Variants in CHL1 observed in about 807,000 individuals in gnomAD.
CHL1 encodes cell adhesion molecule L1 like.
Under a neutral mutation model 141.9 loss-of-function variants are expected in CHL1, and 96 were observed. The observed-to-expected ratio is 0.68, with a 90% CI of 0.57 to 0.80. The LOEUF (loss-of-function observed/expected upper bound fraction) is 0.80, where lower values mean the gene tolerates loss of function less well. Among genes scored for constraint, CHL1 ranks in the 30% least tolerant of loss-of-function variants. CHL1 has a pLI of 0.00. For missense variants in CHL1, 1,820 were observed against 1,457.2 expected (o/e 1.25, Z -4.05); for synonymous variants, 613 against 502.2 (o/e 1.22, Z -2.95).
intron 2 of CHL1, among the ~76,000 whole-genome samples, chr3:273,339 G>A (rs1198210361): frequency 1.3e-5 from 2 of 152,142 alleles, no homozygotes; most frequent in African/African-American, 4.8e-5. Context: ...CTGGACCAAA[G>A]GAGAGTTCCT....
At chr3:206,327 G>A (rs1018212612) in intron 1 of CHL1, among the ~76,000 whole-genome samples, 1 of 152,068 alleles carries the variant, frequency 6.6e-6, no homozygotes, top group African/African-American at 2.4e-5. Context: ...AATTAGCTGG[G>A]CATGATGGCA....
chr3:401,260 A>G (rs905245229), intron 26 of CHL1, among the ~76,000 whole-genome samples: 1 of 152,226 alleles, frequency 6.6e-6, no homozygotes, highest in African/African-American at 2.4e-5. Flanking sequence ...GGTGTCTATG[A>G]CATCTTCAAA....
intron 5 of CHL1, 75 bp from the exon 6 acceptor site, chr3:340,718 AG>A: frequency 1.6e-6 from 2 of 1,223,764 alleles, no homozygotes; most frequent in Non-Finnish European, 2.3e-6. Context: ...TTGAAAAAAA[AG>A]AACATATTAA....
intron 4 of CHL1, among the ~76,000 whole-genome samples, chr3:327,888 C>T (rs1422125121): frequency 6.6e-6 from 1 of 151,694 alleles, no homozygotes; most frequent in East Asian, 1.9e-4. Flanking sequence ...TAATAATAAT[C>T]TTGTATTACC....
chr3:342,607 C>T (rs979330727), intron 7 of CHL1, among the ~76,000 whole-genome samples: 2 of 152,128 alleles, frequency 1.3e-5, no homozygotes, highest in Non-Finnish European at 2.9e-5. Flanking sequence ...AAATAATCCC[C>T]AACAGTTTGC....
At chr3:381,592 T>A (rs1707048494) in intron 16 of CHL1, among the ~76,000 whole-genome samples, 1 of 152,078 alleles carries the variant, frequency 6.6e-6, no homozygotes, top group East Asian at 1.9e-4. Context: ...TGAACTGGAG[T>A]TGGGGCATGG....
intron 15 of CHL1, among the ~76,000 whole-genome samples, chr3:374,868 A>AT (rs1706117673): frequency 6.6e-6 from 1 of 152,204 alleles, no homozygotes; most frequent in African/African-American, 2.4e-5. Context: ...CCTTATTACT[A>AT]TGCAGAAGAC....
chr3:398,031 C>A (rs1445035577), intron 24 of CHL1, among the ~76,000 whole-genome samples, 196 bp from the exon 25 acceptor site: 2 of 152,046 alleles, frequency 1.3e-5, no homozygotes, highest in East Asian at 3.8e-4. Flanking sequence ...GCATTGAGTT[C>A]ATTTCATTTA....
intron 1 of CHL1, among the ~76,000 whole-genome samples, chr3:226,315 G>A (rs904954881): frequency 7.4e-5 from 11 of 147,992 alleles, no homozygotes; most frequent in Admixed American, 4.0e-4. Flanking sequence ...TTACAGGCAT[G>A]AGCCACCATG....
Position 389,444 on chromosome 3 carries a change from C to A in CHL1, c.2440C>A (p.Gln814Lys). 6.2e-7 allele frequency: 1 copy of A among 1,614,146 alleles called. No individual in the cohort carries two copies. ...TCAACTAGGATCTGGGCCTGACCCT[C>A]AGTCAGTGACTCTCTATTCTGGAGA... ...INQLGSGPDP[Q>K]SVTLYSGEDY... Residue 814 changes from glutamine (Q) to lysine (K), a missense_variant, in exon 20 of 28, where the codon CAG becomes AAG. Coordinates refer to ENST00000256509, the MANE Select transcript of CHL1 (RefSeq NM_006614.4).
At position 383,478 on chromosome 3, in the gene CHL1, G is replaced by A. The variant is rs572912226; in HGVS notation, c.2177-338G>A. Among the ~76,000 whole-genome samples the A allele has an allele frequency of 7.8e-4, 119 of 151,974 alleles. No individual in the cohort carries two copies. The South Asian group carries it at 0.023, about 29-fold the overall frequency. On this transcript the variant is annotated intron_variant, in intron 18 of 27. Transcript: ENST00000256509. ...AATTCTAATAGAAAAAATAGAGCAG[G>A]CTTAAATTAAAATTTTTTTTTAAAA... is the stretch of plus-strand genomic sequence containing the variant.
intron 9 of CHL1, 140 bp downstream of exon 9, chr3:344,849 A>T (rs1280511720): frequency 1.4e-4 from 112 of 810,708 alleles, no homozygotes; most frequent in Non-Finnish European, 5.6e-6. Context: ...GGCACTGCAG[A>T]TATTCTGCTC....
intron 15 of CHL1, among the ~76,000 whole-genome samples, chr3:367,426 A>G (rs902265281): frequency 1.3e-5 from 2 of 152,216 alleles, no homozygotes; most frequent in Non-Finnish European, 2.9e-5. Context: ...TAGATCTTTG[A>G]ACTTAGACAA....
chr3:315,742 A>C (rs1700108459), intron 2 of CHL1, among the ~76,000 whole-genome samples: 1 of 152,124 alleles, frequency 6.6e-6, no homozygotes, highest in African/African-American at 2.4e-5. Flanking sequence ...GGAGTCAGGA[A>C]GGTTCCATTG....
chr3:359,688 GA>G (rs906583958), intron 11 of CHL1, among the ~76,000 whole-genome samples: 6 of 152,164 alleles, frequency 3.9e-5, no homozygotes, highest in African/African-American at 1.4e-4. Context: ...CCCCAAAGTA[GA>G]AAATCTGGCC....
chr3:229,085 C>G (rs940537361), intron 1 of CHL1, among the ~76,000 whole-genome samples: 2 of 152,176 alleles, frequency 1.3e-5, no homozygotes, highest in African/African-American at 4.8e-5. Flanking sequence ...TTGCAAGCAA[C>G]CAGCACAGTG....
chr3:349,162 GAA>G (rs1331553743), intron 9 of CHL1, among the ~76,000 whole-genome samples, 195 bp from the exon 10 acceptor site: 1 of 152,200 alleles, frequency 6.6e-6, no homozygotes, highest in South Asian at 2.1e-4. Flanking sequence ...AACTTTCAGT[GAA>G]AGAGACTTGC....
rs1702288505 is a variant in CHL1 at position 340,788 on chromosome 3, C to T, written c.386-6C>T. 1 of 1,600,902 alleles carries T rather than the reference C, an allele frequency of 6.2e-7. No homozygotes were observed. The highest frequency in any genetic ancestry group is 1.3e-5 in the African/African-American group (1 of 74,576). On this transcript the variant is annotated splice_region_variant and splice_polypyrimidine_tract_variant and intron_variant, in intron 5 of 27. Coordinates refer to ENST00000256509, the MANE Select transcript of CHL1 (RefSeq NM_006614.4). ...AATAACACATTAAAATGATTTTTTA[C>T]ACCAGGTGTTCCAAAATTCCCAAAA...
chr3:218,433 A>G (rs1466348422), intron 1 of CHL1, among the ~76,000 whole-genome samples: 1 of 152,230 alleles, frequency 6.6e-6, no homozygotes, highest in African/African-American at 2.4e-5. Flanking sequence ...ACTTTTGTGT[A>G]TCATATTTAA....
Sources: gnomAD v4.1 joint callset for allele counts (sites outside exome capture counted in the v4.1 genomes callset) on GRCh38, gnomAD v4.1.1 for gene constraint, MANE v1.5 for transcripts, NCBI Gene and HGNC (gene_info 2026-07-23, HGNC 2026-07-21) for gene names.